The following ATP13A4 variants were observed in gnomAD, a reference collection of about 807,000 sequenced individuals.
ATP13A4 encodes probable cation-transporting ATPase 13A4.
In ATP13A4, 114 loss-of-function variants were observed where a neutral mutation model predicts 142.5. That is an observed-to-expected ratio of 0.80 (90% CI 0.69 to 0.93). The LOEUF (loss-of-function observed/expected upper bound fraction) is 0.93. Among genes scored for constraint, ATP13A4 ranks in the 40% least tolerant of loss-of-function variants. ATP13A4 has a pLI of 0.00. For synonymous variants in ATP13A4, 488 were observed against 514.8 expected, an observed-to-expected ratio of 0.95 and a Z score of 0.70; for missense variants, 1,392 against 1,454.0, an observed-to-expected ratio of 0.96 and a Z score of 0.69.
chr3:193,523,761 A>G (rs1721851970), intron 1 of ATP13A4, among the ~76,000 whole-genome samples: 1 of 152,156 alleles, frequency 6.6e-6, no homozygotes, highest in Non-Finnish European at 1.5e-5. Flanking sequence ...GTTTGTCCCC[A>G]CCAAACTCAC....
At chr3:193,475,066 C>G (rs182691280) in intron 8 of ATP13A4, among the ~76,000 whole-genome samples, 1 of 152,156 alleles carries the variant, frequency 6.6e-6, no homozygotes, top group East Asian at 1.9e-4. Flanking sequence ...CTGGCACAAT[C>G]TTTATGGAGA....
chr3:193,409,884 T>C lies in ATP13A4; in HGVS notation c.3297+1098A>G, dbSNP rs376421642. On this transcript the variant is annotated intron_variant, in intron 28 of 29. Coordinates refer to ENST00000342695, the MANE Select transcript of ATP13A4 (RefSeq NM_032279.4). ...TCATTCCTTTGTCATTTTTTGACAT[T>C]CTTTGTGGAAGGCACTGGTAATACA... Among the ~76,000 whole-genome samples the C allele has an allele frequency of 1.5e-3, 231 of 152,326 alleles. 1 individual carries two copies. The highest frequency in any genetic ancestry group is 5.3e-3 in the African/African-American group (221 of 41,572).
intron 29 of ATP13A4, among the ~76,000 whole-genome samples, chr3:193,404,330 G>A (rs1014181971): frequency 1.3e-5 from 2 of 152,074 alleles, no homozygotes; most frequent in African/African-American, 4.8e-5. Flanking sequence ...GTGTTTTTTA[G>A]TTCTGGACTC....
chr3:193,437,842 T>C (rs1257776726), intron 23 of ATP13A4, among the ~76,000 whole-genome samples: 1 of 148,232 alleles, frequency 6.7e-6, no homozygotes, highest in Admixed American at 6.7e-5. Context: ...TTTTTTTTTT[T>C]TTTTTTTGAG....
At position 193,503,038 on chromosome 3, in the gene ATP13A4, A is replaced by AG. The variant is rs577841644; in HGVS notation, c.235-400dup. Reference sequence around the variant, plus strand: ...TAACACCCTTCCACCGGGGCGGGGCAGGGGGGGGAACTATCACTTTGTTAA... The same window carrying AG: ...TAACACCCTTCCACCGGGGCGGGGCAGGGGGGGGGAACTATCACTTTGTTAA... On this transcript the variant is annotated intron_variant, in intron 2 of 29. Transcript: ENST00000342695. Among the ~76,000 whole-genome samples, 676 of 145,590 alleles carry AG rather than the reference A, an allele frequency of 4.6e-3. 7 individuals are homozygous for AG. The highest frequency in any genetic ancestry group is 0.015 in the African/African-American group (601 of 40,140).
intron 17 of ATP13A4, among the ~76,000 whole-genome samples, chr3:193,448,663 A>C (rs1400552995): frequency 6.6e-6 from 1 of 152,200 alleles, no homozygotes; most frequent in East Asian, 1.9e-4. Flanking sequence ...CAGGAAGTAA[A>C]ACAAAAAGAA....
chr3:193,438,580 A>C lies in ATP13A4; in HGVS notation c.2567T>G (p.Leu856Arg), dbSNP rs1488498026. The C allele has an allele frequency of 1.9e-6, 3 of 1,613,650 alleles. No individual in the cohort carries two copies. Among genetic ancestry groups the C allele is most frequent in the Non-Finnish European group, 2.5e-6 (3 of 1,179,574 alleles). The change falls in exon 23 of 30, where the codon CTG (leucine) becomes CGG (arginine). Residue 856 changes from leucine to arginine, a missense_variant. Physicochemically the swap from Leu to Arg is moderately radical, Grantham distance 102 (BLOSUM62 -2). Transcript: ENST00000342695. ...TGAGATGCCCACATGAGCCATTTTC[A>C]GAGCCTGAAAGCAAAGAATCAGCTT... ...CGDGANDCGA[L>R]KMAHVGISLS...
intron 1 of ATP13A4, among the ~76,000 whole-genome samples, chr3:193,530,737 G>C (rs911012727): frequency 1.3e-5 from 2 of 152,116 alleles, no homozygotes; most frequent in Non-Finnish European, 2.9e-5. Context: ...GTTTGCCTGA[G>C]GGGTTTCTCA....
intron 26 of ATP13A4, among the ~76,000 whole-genome samples, chr3:193,414,104 GA>G (rs1714922394): frequency 1.3e-5 from 2 of 152,174 alleles, no homozygotes; most frequent in Non-Finnish European, 2.9e-5. Flanking sequence ...GACACTTAGG[GA>G]AATTAGAACC....
intron 3 of ATP13A4, 77 bp downstream of exon 3, chr3:193,502,416 A>G (rs1049373437): frequency 1.0e-5 from 15 of 1,493,592 alleles, no homozygotes; most frequent in Non-Finnish European, 1.4e-5. Context: ...ACAGTAGAGG[A>G]GCTACATTTA....
chr3:193,503,528 G>A (rs1428283982), intron 2 of ATP13A4, among the ~76,000 whole-genome samples: 3 of 152,112 alleles, frequency 2.0e-5, no homozygotes, highest in Admixed American at 6.6e-5. Context: ...AAAGTCAAAC[G>A]TGGGAAAAAT....
At chr3:193,454,610 C>G (rs919753163) in intron 16 of ATP13A4, among the ~76,000 whole-genome samples, 1 of 152,158 alleles carries the variant, frequency 6.6e-6, no homozygotes, top group South Asian at 2.1e-4. Context: ...CAAAAATAAG[C>G]ATGGGGAAAG....
At chr3:193,438,805 ACTAACC>A (rs1716453099) in intron 22 of ATP13A4, among the ~76,000 whole-genome samples, 1 of 152,212 alleles carries the variant, frequency 6.6e-6, no homozygotes. Context: ...TGTAGCCTGA[ACTAACC>A]ATTGAATCGT....
At position 193,445,296 on chromosome 3, in the gene ATP13A4, C is replaced by T. The variant is rs151101305; in HGVS notation, c.2153-2740G>A. 4.4e-3 allele frequency among the ~76,000 whole-genome samples: 663 copies of T among 151,784 alleles called. 9 individuals carry two copies. The highest frequency in any genetic ancestry group is 0.015 in the African/African-American group (613 of 41,366). ...ACTAAAAATATAAAAATTAGCCAGG[C>T]GTTGTGTTGCGTGCCTGTAATCCCA... On this transcript the variant is annotated intron_variant, in intron 18 of 29. Transcript: ENST00000342695.
chr3:193,563,055 A>G (rs1310764300), intron 2 of ATP13A4, among the ~76,000 whole-genome samples: 2 of 152,206 alleles, frequency 1.3e-5, no homozygotes, highest in Admixed American at 6.5e-5. Context: ...AAGATTGTAT[A>G]CATGCCCAGT....
rs71177402 is a variant in ATP13A4 at position 193,399,845 on chromosome 3, C to CAAAAA, written c.*2802_*2806dup. Among the ~76,000 whole-genome samples, 166 of 72,268 alleles carry CAAAAA rather than the reference C, an allele frequency of 2.3e-3. 2 individuals carry two copies. Among genetic ancestry groups the CAAAAA allele is most frequent in the Non-Finnish European group, 2.7e-3 (115 of 41,860 alleles). The allele number at this position is 72,268 out of a possible 152,430, so 47.4% of individuals were successfully genotyped here. ...TGGGCAACAGAGTGAGACTCCATCTCAAAAAAAAAAAAAAAAAAAAAAGGT... is the reference window on the plus strand; with the variant it reads ...TGGGCAACAGAGTGAGACTCCATCTCAAAAAAAAAAAAAAAAAAAAAAAAAAAGGT... On this transcript the variant is annotated 3_prime_UTR_variant, in exon 30 of 30. Transcript: ENST00000342695.
intron 7 of ATP13A4, among the ~76,000 whole-genome samples, chr3:193,488,040 G>A (rs1719732549): frequency 6.6e-6 from 1 of 151,210 alleles, no homozygotes. Flanking sequence ...GAGGTGGGTG[G>A]ATCACTGGAG....
In ATP13A4 at chr3:193,449,063, A is replaced by G. The variant is rs981757792; in HGVS notation, c.2028-733T>C. ...ATCAATATTATTTTAGCCCCAGGAG[A>G]TATGAGGTCATAATCTCAACAAACA... On this transcript the variant is annotated intron_variant, in intron 17 of 29. Transcript: ENST00000342695. 1.4e-4 allele frequency among the ~76,000 whole-genome samples: 22 copies of G among 152,324 alleles called. 1 individual carries two copies. Among genetic ancestry groups the G allele is most frequent in the African/African-American group, 4.8e-4 (20 of 41,564 alleles).
chr3:193,512,210 C>T (rs144478555), intron 2 of ATP13A4, among the ~76,000 whole-genome samples: 57 of 152,268 alleles, frequency 3.7e-4, no homozygotes, highest in African/African-American at 1.3e-3. Flanking sequence ...AGTTAAATTA[C>T]GTTCATGCCA....
Sources: gnomAD v4.1 joint callset for allele counts (sites outside exome capture counted in the v4.1 genomes callset) on GRCh38, gnomAD v4.1.1 for gene constraint, MANE v1.5 for transcripts, NCBI Gene and HGNC (gene_info 2026-07-23, HGNC 2026-07-21) for gene names.